The following VGLL1 variants were observed in gnomAD, a reference collection of about 807,000 sequenced individuals.
VGLL1 encodes vestigial like family member 1, also known as transcription cofactor vestigial-like protein 1.
VGLL1 carries 4 observed loss-of-function variants against 12.0 expected under a neutral mutation model. That is an observed-to-expected ratio of 0.33 (90% CI 0.16 to 0.76). The LOEUF is 0.76. Among genes scored for constraint, VGLL1 ranks in the 30% least tolerant of loss-of-function variants. VGLL1 has a pLI of 0.60. For synonymous variants in VGLL1, 87 were observed against 81.2 expected (o/e 1.07, Z -0.39); for missense variants, 204 against 208.7 (o/e 0.98, Z 0.14).
intron 2 of VGLL1, among the ~76,000 whole-genome samples, chrX:136,542,030 C>T (rs1287348138): frequency 9.1e-6 from 1 of 109,845 alleles, no homozygotes; most frequent in Admixed American, 9.6e-5. Flanking sequence ...TTCTTCTTGT[C>T]CTGTCCCCAG....
chrX:136,548,136 G>A (rs1447062637), intron 2 of VGLL1, among the ~76,000 whole-genome samples: 1 of 111,621 alleles, frequency 9.0e-6, no homozygotes, highest in African/African-American at 3.3e-5. Flanking sequence ...GAGTAGCTGG[G>A]ACTACAGGTG....
At chrX:136,555,994 G>C (rs184934611) in intron 4 of VGLL1, among the ~76,000 whole-genome samples, 1 of 111,131 alleles carries the variant, frequency 9.0e-6, no homozygotes, top group Non-Finnish European at 1.9e-5. Flanking sequence ...TGAGTATGAA[G>C]GATAGAGAAT....
chrX:136,546,683 T>C (rs2075870454), intron 2 of VGLL1, among the ~76,000 whole-genome samples: 1 of 112,648 alleles, frequency 8.9e-6, no homozygotes, highest in African/African-American at 3.2e-5. Flanking sequence ...TAAGGCCTGT[T>C]CACATGGAAA....
Position 136,556,504 on chromosome X carries a change from T to G in VGLL1, c.742T>G (p.Trp248Gly), listed in dbSNP as rs1177727946. The G allele has an allele frequency of 8.3e-7, 1 of 1,211,487 alleles. No individual in the cohort carries two copies. Among genetic ancestry groups the G allele is most frequent in the Non-Finnish European group, 1.1e-6 (1 of 895,255 alleles). Residue 248 changes from tryptophan to glycine, a missense_variant, in exon 5 of 5, where the codon TGG becomes GGG. Physicochemically the swap from Trp to Gly is radical, Grantham distance 184. Coordinates refer to ENST00000370634, the MANE Select transcript of VGLL1 (RefSeq NM_016267.4). ...GKYSLTPPNH[W>G]GHPHRYLQHL Reference sequence around the variant, plus strand: ...ATACTCACTTACACCACCAAACCACTGGGGCCACCCACATCGATACCTGCA... The same window carrying G: ...ATACTCACTTACACCACCAAACCACGGGGGCCACCCACATCGATACCTGCA...
chrX:136,549,135 G>C, intron 3 of VGLL1, 127 bp downstream of exon 3: 2 of 675,569 alleles, frequency 3.0e-6, no homozygotes. Flanking sequence ...TGAGGGAAGG[G>C]ATGTTCTGCT....
Position 136,556,729 on chromosome X carries a change from C to A in VGLL1, c.*190C>A, listed in dbSNP as rs1016781586. 10 of 391,468 alleles carry A rather than the reference C, an allele frequency of 2.6e-5. No homozygotes were observed. Among genetic ancestry groups the A allele is most frequent in the African/African-American group, 1.5e-4 (6 of 39,290 alleles). 32.3% of individuals were successfully genotyped at this position (391,468 alleles called of 1,213,427 possible). On this transcript the variant is annotated 3_prime_UTR_variant, in exon 5 of 5. Coordinates refer to ENST00000370634, the MANE Select transcript of VGLL1 (RefSeq NM_016267.4). ...CAGAAGCCCCCGCTGTCAATGTTCCCCATCCACACCCTGCTTGCTCCTGTG... is the reference window on the plus strand; with the variant it reads ...CAGAAGCCCCCGCTGTCAATGTTCCACATCCACACCCTGCTTGCTCCTGTG...
intron 4 of VGLL1, 75 bp from the exon 5 acceptor site, chrX:136,556,376 T>C (rs1317961869): frequency 2.3e-6 from 2 of 858,364 alleles, no homozygotes; most frequent in East Asian, 6.3e-5. Flanking sequence ...GGTGTTCATC[T>C]GGACCCTGGA....
In VGLL1 at chrX:136,556,510, C is replaced by A. The variant is rs2075901597; in HGVS notation, c.748C>A (p.His250Asn). Residue 250 changes from histidine (H) to asparagine (N), a missense_variant, in exon 5 of 5, where the codon CAC (histidine) becomes AAC (asparagine). His to Asn is a moderately conservative substitution (Grantham distance 68). Transcript: ENST00000370634. ...ACTTACACCACCAAACCACTGGGGC[C>A]ACCCACATCGATACCTGCAGCATCT... ...YSLTPPNHWG[H>N]PHRYLQHL is the part of the protein sequence containing the mutation. The A allele has an allele frequency of 2.5e-6, 3 of 1,209,367 alleles. No homozygotes were observed. Among genetic ancestry groups the A allele is most frequent in the Non-Finnish European group, 3.4e-6 (3 of 894,746 alleles).
At chrX:136,547,825 TAC>T (rs1228056470) in intron 2 of VGLL1, among the ~76,000 whole-genome samples, 2 of 111,974 alleles carry the variant, frequency 1.8e-5, no homozygotes, top group African/African-American at 6.5e-5. Flanking sequence ...AAGGTATCTA[TAC>T]AGAGATGCTC....
chrX:136,548,688 A>G lies in VGLL1; in HGVS notation c.314A>G (p.His105Arg). The change falls in exon 3 of 5, where the codon CAT becomes CGT. Residue 105 changes from histidine (H) to arginine (R), a missense_variant. His to Arg is a conservative substitution (Grantham distance 29, BLOSUM62 0). Transcript: ENST00000370634. ...VTNRAANCNL[H>R]VPGPMAVNQF... ...AACCGTGCCGCCAACTGCAACTTGC[A>G]TGTGCCTGGTCCCATGGCTGTGAAT... The G allele has an allele frequency of 8.3e-7, 1 of 1,212,057 alleles. No individual in the cohort carries two copies. Among genetic ancestry groups the G allele is most frequent in the Non-Finnish European group, 1.1e-6 (1 of 895,567 alleles).
intron 3 of VGLL1, 43 bp downstream of exon 3, chrX:136,549,051 G>A (rs754915131): frequency 3.5e-5 from 40 of 1,156,446 alleles, no homozygotes; most frequent in Non-Finnish European, 4.2e-5. Flanking sequence ...GCCTCTGATT[G>A]GTTGTGGTTG....
intron 2 of VGLL1, among the ~76,000 whole-genome samples, chrX:136,545,622 A>C (rs1405163564): frequency 8.9e-6 from 1 of 111,872 alleles, no homozygotes; most frequent in Non-Finnish European, 1.9e-5. Flanking sequence ...TTTAGATTGG[A>C]AGTTGAGGGA....
intron 2 of VGLL1, among the ~76,000 whole-genome samples, chrX:136,546,648 C>G (rs1395360231): frequency 8.9e-6 from 1 of 112,214 alleles, no homozygotes; most frequent in Non-Finnish European, 1.9e-5. Context: ...AGCATTCAGC[C>G]CCTAAGTCAT....
At chrX:136,553,786 C>CA (rs2075893759) in intron 4 of VGLL1, among the ~76,000 whole-genome samples, 2 of 111,814 alleles carry the variant, frequency 1.8e-5, no homozygotes, top group Non-Finnish European at 3.8e-5. Context: ...GCCCTAGTCC[C>CA]CTCATGTGGG....
chrX:136,537,587 T>C (rs1281985876), intron 2 of VGLL1, among the ~76,000 whole-genome samples: 1 of 111,234 alleles, frequency 9.0e-6, no homozygotes, highest in Admixed American at 9.6e-5. Context: ...AGAGACAGGG[T>C]CTCACTCTGT....
intron 2 of VGLL1, among the ~76,000 whole-genome samples, chrX:136,545,220 G>A (rs1265050936): frequency 8.9e-6 from 1 of 111,986 alleles, no homozygotes; most frequent in Non-Finnish European, 1.9e-5. Flanking sequence ...TTCAAAGTCT[G>A]TGCTTTTAAC....
In VGLL1 at chrX:136,555,272, G is replaced by A. The variant is rs749563918; in HGVS notation, c.689-1179G>A. On this transcript the variant is annotated intron_variant, in intron 4 of 4. Coordinates refer to ENST00000370634, the MANE Select transcript of VGLL1 (RefSeq NM_016267.4). ...TGTGGCATCAGAGATTTTTGTAGAC[G>A]TGTTAAGAGCAGTTTTCATTATGTG... Among the ~76,000 whole-genome samples the A allele has an allele frequency of 8.9e-5, 10 of 112,238 alleles. No individual in the cohort carries two copies. The South Asian group carries it at 2.6e-3, about 30-fold the overall frequency.
intron 3 of VGLL1, chrX:136,550,542 A>G: frequency 8.8e-6 from 3 of 342,254 alleles, no homozygotes; most frequent in South Asian, 1.4e-4. Flanking sequence ...GAAGTCCAGG[A>G]TCTGTTGAGG....
chrX:136,533,404 G>A (rs1478735392), intron 1 of VGLL1, among the ~76,000 whole-genome samples: 1 of 111,709 alleles, frequency 9.0e-6, no homozygotes, highest in East Asian at 2.8e-4. Flanking sequence ...ACTGTAGCCA[G>A]TTGGCCTGGG....
Sources: allele counts gnomAD v4.1 joint callset (sites outside exome capture counted in the v4.1 genomes callset), GRCh38; gene constraint gnomAD v4.1.1; transcripts MANE v1.5; gene names NCBI Gene and HGNC (gene_info 2026-07-23, HGNC 2026-07-21).